Variants in DNAJC6 observed in about 807,000 individuals in gnomAD.
The protein encoded by DNAJC6 is auxilin.
DNAJC6 carries 34 observed loss-of-function variants against 110.0 expected under a neutral mutation model. The observed-to-expected ratio is 0.31, with a 90% CI of 0.24 to 0.41. The LOEUF is 0.41. Ranked by LOEUF, DNAJC6 falls within the 10% of genes least tolerant of loss-of-function variation. DNAJC6 has a pLI of 1.00. For missense variants in DNAJC6, 1,031 were observed against 1,207.8 expected, an observed-to-expected ratio of 0.85 and a Z score of 2.17; for synonymous variants, 406 against 437.2, an observed-to-expected ratio of 0.93 and a Z score of 0.89.
chr1:65,379,125 GA>G (rs1184466595), intron 4 of DNAJC6, among the ~76,000 whole-genome samples: 1 of 152,050 alleles, frequency 6.6e-6, no homozygotes, highest in Non-Finnish European at 1.5e-5. Context: ...TCACAGAATA[GA>G]AAAAAATCCA....
At chr1:65,312,999 C>T (rs1455366016) in intron 1 of DNAJC6, among the ~76,000 whole-genome samples, 2 of 152,064 alleles carry the variant, frequency 1.3e-5, no homozygotes, top group African/African-American at 2.4e-5. Flanking sequence ...GGGCTCTTGC[C>T]ATGTTGGCCA....
At chr1:65,346,385 CCA>C (rs1271641376) in intron 1 of DNAJC6, among the ~76,000 whole-genome samples, 3 of 66,526 alleles carry the variant, frequency 4.5e-5, no homozygotes, top group Non-Finnish European at 7.2e-5. Flanking sequence ...TGCTGATAAT[CCA>C]TTTTTTTTTT....
chr1:65,298,024 G>A (rs570170376), intron 1 of DNAJC6, among the ~76,000 whole-genome samples: 3 of 112,302 alleles, frequency 2.7e-5, no homozygotes, highest in Admixed American at 1.0e-4. Flanking sequence ...CTCCCCCTAC[G>A]TGCCAAATCA....
intron 1 of DNAJC6, among the ~76,000 whole-genome samples, chr1:65,346,424 G>A (rs773160290): frequency 4.6e-5 from 7 of 151,956 alleles, no homozygotes; most frequent in African/African-American, 7.3e-5. Flanking sequence ...GTGTGAGAGA[G>A]TAAGAGAATT....
At chr1:65,374,429 T>C (rs1460710950) in intron 4 of DNAJC6, among the ~76,000 whole-genome samples, 4 of 151,778 alleles carry the variant, frequency 2.6e-5, no homozygotes, top group African/African-American at 7.3e-5. Context: ...ATACCTTTCC[T>C]TTTTTTGTGT....
intron 1 of DNAJC6, among the ~76,000 whole-genome samples, chr1:65,357,105 T>C (rs1210683322): frequency 6.6e-6 from 1 of 152,184 alleles, no homozygotes; most frequent in Non-Finnish European, 1.5e-5. Flanking sequence ...TGTGAAGGAA[T>C]GGCTTTTCCC....
At chr1:65,392,211 G>T (rs567236068) in intron 11 of DNAJC6, among the ~76,000 whole-genome samples, 1 of 152,288 alleles carries the variant, frequency 6.6e-6, no homozygotes, top group South Asian at 2.1e-4. Flanking sequence ...CAGAGTTCCT[G>T]CTCCTTACCC....
chr1:65,284,964 A>T (rs573174251), intron 1 of DNAJC6, among the ~76,000 whole-genome samples: 3 of 152,220 alleles, frequency 2.0e-5, no homozygotes, highest in East Asian at 3.9e-4. Flanking sequence ...CTGAGATTAC[A>T]GGCATGAGCC....
chr1:65,328,105 A>G (rs994962570), intron 1 of DNAJC6, among the ~76,000 whole-genome samples: 25 of 152,374 alleles, frequency 1.6e-4, no homozygotes, highest in African/African-American at 5.5e-4. Context: ...ATTAAACTAC[A>G]TAAACACATA....
chr1:65,386,492 T>C (rs1353070127), intron 7 of DNAJC6, among the ~76,000 whole-genome samples: 1 of 152,182 alleles, frequency 6.6e-6, no homozygotes, highest in Non-Finnish European at 1.5e-5. Context: ...CTGCTTTTAG[T>C]ATTAATTTAA....
intron 1 of DNAJC6, among the ~76,000 whole-genome samples, chr1:65,356,526 T>C (rs1645545040): frequency 6.6e-6 from 1 of 151,808 alleles, no homozygotes; most frequent in Non-Finnish European, 1.5e-5. Context: ...ACTGCACCAC[T>C]GCACTGCAGC....
rs141471205 is a variant in DNAJC6 at position 65,343,743 on chromosome 1, A to T, written c.194-20892A>T. On this transcript the variant is annotated intron_variant, in intron 1 of 18. Transcript: ENST00000371069. ...AAAAGGCAAAAGTTCCTGACTTAAT[A>T]AAAAAAAAGGAAAAAAAAATATTCC... Among the ~76,000 whole-genome samples the T allele has an allele frequency of 6.7e-3, 896 of 134,734 alleles. 7 individuals carry two copies. Among genetic ancestry groups the T allele is most frequent in the African/African-American group, 0.024 (848 of 35,322 alleles). The allele number at this position is 134,734 out of a possible 152,430, so 88.4% of individuals were successfully genotyped here. A position where few individuals can be genotyped will look rare whatever the true frequency, so the allele number is the denominator to read the frequency against.
At chr1:65,304,266 AAGAAC>A (rs781099586) in intron 1 of DNAJC6, among the ~76,000 whole-genome samples, 1 of 151,980 alleles carries the variant, frequency 6.6e-6, no homozygotes, top group Non-Finnish European at 1.5e-5. Flanking sequence ...ATCAAACACC[AAGAAC>A]AGATATCCCC....
At chr1:65,286,369 C>T (rs1458214087) in intron 1 of DNAJC6, among the ~76,000 whole-genome samples, 1 of 152,150 alleles carries the variant, frequency 6.6e-6, no homozygotes, top group African/African-American at 2.4e-5. Flanking sequence ...ACCTCAGCCT[C>T]CCGAGTAGCT....
Position 65,413,076 on chromosome 1 carries a change from T to G in DNAJC6, c.*51T>G, listed in dbSNP as rs1484542771. The G allele has an allele frequency of 6.5e-7, 1 of 1,544,202 alleles. No homozygotes were observed. Among genetic ancestry groups the G allele is most frequent in the African/African-American group, 1.4e-5 (1 of 72,606 alleles). On this transcript the variant is annotated 3_prime_UTR_variant, in exon 19 of 19. Transcript: ENST00000371069. ...CAGACCTGTGCTAATGCTTAGTGTG[T>G]GTCACAATTCTGAGGTTTTCGCAGA...
At chr1:65,302,090 TTA>T (rs1214240916) in intron 1 of DNAJC6, among the ~76,000 whole-genome samples, 5 of 54,720 alleles carry the variant, frequency 9.1e-5, no homozygotes, top group Admixed American at 5.5e-4. Flanking sequence ...ATTATATATA[TTA>T]TATATATAAT....
intron 4 of DNAJC6, 42 bp downstream of exon 4, chr1:65,366,238 A>T: frequency 3.1e-6 from 5 of 1,604,940 alleles, no homozygotes; most frequent in Non-Finnish European, 4.3e-6. Flanking sequence ...TGAAGACGTG[A>T]TGGTGCTTTT....
At chr1:65,303,073 A>T (rs982231276) in intron 1 of DNAJC6, among the ~76,000 whole-genome samples, 2 of 152,232 alleles carry the variant, frequency 1.3e-5, no homozygotes, top group African/African-American at 4.8e-5. Context: ...AGTCAAGGAT[A>T]AGTTAAATGT....
rs1273103505 is a variant in DNAJC6, at chr1:65,413,074, T to G, written c.*49T>G. On this transcript the variant is annotated 3_prime_UTR_variant, in exon 19 of 19. Coordinates refer to ENST00000371069, the MANE Select transcript of DNAJC6 (RefSeq NM_001256864.2). The stretch of plus-strand genomic sequence containing the variant: ...TGCAGACCTGTGCTAATGCTTAGTG[T>G]GTGTCACAATTCTGAGGTTTTCGCA... 6.5e-7 allele frequency: 1 copy of G among 1,544,586 alleles called. No homozygotes were observed. Among genetic ancestry groups the G allele is most frequent in the Non-Finnish European group, 8.9e-7 (1 of 1,125,968 alleles).
Sources: allele counts gnomAD v4.1 joint callset (sites outside exome capture counted in the v4.1 genomes callset), GRCh38; gene constraint gnomAD v4.1.1; transcripts MANE v1.5; gene names NCBI Gene and HGNC (gene_info 2026-07-23, HGNC 2026-07-21).